EFTUD2: variants seen among roughly 807,000 people sequenced by gnomAD.
EFTUD2 encodes 116 kDa U5 small nuclear ribonucleoprotein component.
A neutral mutation model predicts 114.3 loss-of-function variants in EFTUD2; 9 were observed. The observed-to-expected ratio is 0.08, with a 90% CI of 0.05 to 0.14. The LOEUF (loss-of-function observed/expected upper bound fraction) is 0.14. Among genes scored for constraint, EFTUD2 ranks in the 10% least tolerant of loss-of-function variants. The pLI is 1.00. For synonymous variants in EFTUD2, 449 were observed against 462.3 expected (o/e 0.97, Z 0.37); for missense variants, 765 against 1,241.2 (o/e 0.62, Z 5.76).
At chr17:44,881,650 G>A in intron 7 of EFTUD2, 37 bp downstream of exon 7, 1 of 1,611,918 alleles carries the variant, frequency 6.2e-7, no homozygotes, top group Non-Finnish European at 8.5e-7. Flanking sequence ...GGTGGGTCTG[G>A]TGTAGGTGAC....
chr17:44,885,387 T>C (rs2051149867), intron 3 of EFTUD2, 53 bp from the exon 4 acceptor site: 1 of 1,185,532 alleles, frequency 8.4e-7, no homozygotes, highest in South Asian at 1.2e-5. Context: ...AACATAAAAA[T>C]ACGGAACACT....
intron 18 of EFTUD2, chr17:44,859,638 T>TATGCAC (rs2050619234): frequency 3.7e-6 from 2 of 540,304 alleles, no homozygotes; most frequent in Admixed American, 6.2e-5. Flanking sequence ...GGAACACAAA[T>TATGCAC]ACGCACACAC....
At chr17:44,887,959 G>A (rs1184983894) in intron 2 of EFTUD2, among the ~76,000 whole-genome samples, 1 of 152,190 alleles carries the variant, frequency 6.6e-6, no homozygotes, top group Admixed American at 6.5e-5. Context: ...CACTTACTGA[G>A]CACTTAATAT....
chr17:44,866,123 T>C (rs1281252147), intron 13 of EFTUD2, among the ~76,000 whole-genome samples: 1 of 152,274 alleles, frequency 6.6e-6, no homozygotes, highest in Non-Finnish European at 1.5e-5. Context: ...TTATATTCTT[T>C]GCTTCTCAGC....
At position 44,873,936 on chromosome 17, in the gene EFTUD2, G is replaced by A. The variant is rs373845591; in HGVS notation, c.870-1366C>T. Among the ~76,000 whole-genome samples the A allele has an allele frequency of 9.4e-5, 14 of 148,600 alleles. 1 individual carries two copies. The South Asian group carries it at 2.3e-3, about 25-fold the overall frequency. On this transcript the variant is annotated intron_variant, in intron 10 of 27. Transcript: ENST00000426333. ...TTTTTAGTAGAGATGGGGTTTCACC[G>A]TGTTAGCCAGGATGGTCTCGATCTC... is the stretch of plus-strand genomic sequence containing the variant.
At chr17:44,875,252 C>G (rs1402927615) in intron 10 of EFTUD2, among the ~76,000 whole-genome samples, 1 of 151,956 alleles carries the variant, frequency 6.6e-6, no homozygotes, top group Admixed American at 6.6e-5. Flanking sequence ...AAAAATTGGC[C>G]GGGGGTGGTG....
chr17:44,883,885 T>C (rs987096015), intron 4 of EFTUD2, 161 bp from the exon 5 acceptor site: 2 of 644,096 alleles, frequency 3.1e-6, no homozygotes, highest in African/African-American at 1.8e-5. Flanking sequence ...AGCTCTGGCT[T>C]TGGGAATGCA....
intron 4 of EFTUD2, among the ~76,000 whole-genome samples, chr17:44,885,003 TC>T (rs547132371): frequency 5.3e-4 from 81 of 152,320 alleles, no homozygotes; most frequent in African/African-American, 1.9e-3. Context: ...AATACCCAGA[TC>T]TCTCTTGAAG....
At chr17:44,896,096 C>T (rs917113769) in intron 1 of EFTUD2, 4 of 152,106 alleles carry the variant, frequency 2.6e-5, no homozygotes, top group African/African-American at 9.7e-5. Flanking sequence ...TTCAATTTGC[C>T]CCATTAGTGG....
At chr17:44,876,649 G>A (rs1899649) in intron 9 of EFTUD2, among the ~76,000 whole-genome samples, 37,971 of 151,490 alleles carry the variant, frequency 0.25, 5,098 homozygotes, top group African/African-American at 0.34. Context: ...TCAGGAGATC[G>A]AGACCATCCT....
In EFTUD2 at chr17:44,857,103, T is replaced by G; in HGVS notation, c.2017A>C (p.Lys673Gln). ...CETVVETSSL[K>Q]CFAETPNKKN... ...TTATTAGGCGTTTCAGCAAAGCACT[T>G]GAGGGAGGATGTTTCCACCACCGTC... Residue 673 changes from lysine (K) to glutamine (Q), a missense_variant, in exon 20 of 28, where the codon AAG becomes CAG. Physicochemically the swap from Lys to Gln is moderately conservative, Grantham distance 53 (BLOSUM62 1). This residue lies in a region of EFTUD2 where 166 missense variants were observed against 401.5 expected (regional missense o/e 0.41). Coordinates refer to ENST00000426333, the MANE Select transcript of EFTUD2 (RefSeq NM_004247.4). 1 of 1,613,986 alleles carries G rather than the reference T, an allele frequency of 6.2e-7. No individual in the cohort carries two copies.
At chr17:44,868,120 A>G (rs1045461462) in intron 12 of EFTUD2, among the ~76,000 whole-genome samples, 167 bp downstream of exon 12, 1 of 151,666 alleles carries the variant, frequency 6.6e-6, no homozygotes, top group Non-Finnish European at 1.5e-5. Context: ...TTCTCACCAG[A>G]TCAGAGCTTA....
At chr17:44,879,384 TAAG>T in intron 9 of EFTUD2, 169 bp downstream of exon 9, 2 of 635,996 alleles carry the variant, frequency 3.1e-6, no homozygotes, top group East Asian at 6.1e-5. Flanking sequence ...CCACACCCGG[TAAG>T]AATTAATTTT....
At chr17:44,885,170 A>G (rs886804754) in intron 4 of EFTUD2, 86 bp downstream of exon 4, 2 of 1,053,318 alleles carry the variant, frequency 1.9e-6, no homozygotes, top group East Asian at 4.8e-5. Context: ...TTTACTAGCT[A>G]TTTCAGCCAA....
At chr17:44,861,682 G>A (rs1054545710) in intron 16 of EFTUD2, among the ~76,000 whole-genome samples, 6 of 151,918 alleles carry the variant, frequency 3.9e-5, no homozygotes, top group African/African-American at 1.5e-4. Flanking sequence ...GCAGTAAGCC[G>A]AGATCACAGG....
At chr17:44,889,587 G>A (rs2051241220) in intron 2 of EFTUD2, among the ~76,000 whole-genome samples, 2 of 152,206 alleles carry the variant, frequency 1.3e-5, no homozygotes, top group Non-Finnish European at 2.9e-5. Context: ...TCGTAAGAAC[G>A]GAAGGGAAGG....
intron 2 of EFTUD2, among the ~76,000 whole-genome samples, chr17:44,889,964 A>C (rs1161219200): frequency 6.6e-6 from 1 of 152,152 alleles, no homozygotes; most frequent in Non-Finnish European, 1.5e-5. Context: ...TAAACAAATA[A>C]AACTAAACAA....
rs1004222324 is a variant in EFTUD2 at position 44,867,800 on chromosome 17, C to T, written c.1149+7G>A. ...CAGATCTGCCCAGTGTGACCTGACA[C>T]ACTCACCTGGGCGAGGATCTTATAA... On this transcript the variant is annotated splice_region_variant and intron_variant, in intron 13 of 27. Transcript: ENST00000426333. 1.3e-6 allele frequency: 2 copies of T among 1,576,460 alleles called. No homozygotes were observed. The highest frequency in any genetic ancestry group is 1.4e-5 in the African/African-American group (1 of 74,034).
chr17:44,850,355 G>C lies in EFTUD2; in HGVS notation c.*919C>G. On this transcript the variant is annotated 3_prime_UTR_variant, in exon 28 of 28. Coordinates refer to ENST00000426333, the MANE Select transcript of EFTUD2 (RefSeq NM_004247.4). Reference sequence around the variant, plus strand: ...AGGTGCTGTGTACACAATGTACAGCGATTACGTCAAGAGGATGGCACAGGA... The same window carrying C: ...AGGTGCTGTGTACACAATGTACAGCCATTACGTCAAGAGGATGGCACAGGA... The C allele has an allele frequency of 6.2e-7, 1 of 1,613,318 alleles. No individual in the cohort carries two copies.
Sources: allele counts gnomAD v4.1 joint callset (sites outside exome capture counted in the v4.1 genomes callset), GRCh38; gene constraint gnomAD v4.1.1; regional missense constraint gnomAD v4.1.1; transcripts MANE v1.5; gene names NCBI Gene and HGNC (gene_info 2026-07-23, HGNC 2026-07-21).